Variants in PLAC9 observed in about 807,000 individuals in gnomAD.
PLAC9 encodes the protein placenta associated 9.
Under a neutral mutation model 11.5 loss-of-function variants are expected in PLAC9, and 12 were observed. The ratio of observed to expected loss-of-function variants is 1.05; its 90% CI spans 0.67 to 1.69. The LOEUF is 1.69. PLAC9 is among the 40% of genes most tolerant of loss of function. The pLI, the probability that PLAC9 is intolerant of heterozygous loss-of-function variation, is 0.00. For missense variants in PLAC9, 132 were observed against 130.5 expected (o/e 1.01, Z -0.06); for synonymous variants, 62 against 58.1 (o/e 1.07, Z -0.31).
In PLAC9 at chr10:80,145,329, C is replaced by T. The variant is rs1490437249; in HGVS notation, c.*419C>T. On this transcript the variant is annotated 3_prime_UTR_variant, in exon 4 of 4. Transcript: ENST00000372263. ...GAGACCCCCAGGGATTTTATGTGTC[C>T]ATTAAAGTGGTTTGTTGTTGTTTTT... The T allele has an allele frequency of 3.7e-6, 1 of 273,610 alleles. No homozygotes were observed. 16.9% of individuals were successfully genotyped at this position (273,610 alleles called of 1,614,324 possible).
chr10:80,140,538 C>G (rs1448577538), intron 1 of PLAC9, among the ~76,000 whole-genome samples: 1 of 152,218 alleles, frequency 6.6e-6, no homozygotes, highest in Non-Finnish European at 1.5e-5. Flanking sequence ...TCTGGGGCAG[C>G]ACCCTCCTTC....
intron 1 of PLAC9, 82 bp downstream of exon 1, chr10:80,132,908 G>A (rs1564586973): frequency 9.6e-6 from 12 of 1,250,152 alleles, no homozygotes; most frequent in Middle Eastern, 2.8e-4. Context: ...CGAGAGAGAC[G>A]GAGAGAGAGC....
intron 1 of PLAC9, 133 bp from the exon 2 acceptor site, chr10:80,141,949 C>A: frequency 3.8e-6 from 2 of 521,572 alleles, no homozygotes; most frequent in Non-Finnish European, 6.7e-6. Context: ...ACACTGACCC[C>A]CACCTGGGCC....
intron 1 of PLAC9, among the ~76,000 whole-genome samples, chr10:80,141,554 G>A (rs575254818): frequency 2.0e-5 from 3 of 152,094 alleles, no homozygotes; most frequent in Admixed American, 6.5e-5. Context: ...AGCTGAGATC[G>A]CACCATTGCA....
At chr10:80,138,209 C>T (rs568629515) in intron 1 of PLAC9, among the ~76,000 whole-genome samples, 6 of 152,302 alleles carry the variant, frequency 3.9e-5, no homozygotes. Flanking sequence ...CAATCAGCAA[C>T]TCTCAGCCCA....
intron 2 of PLAC9, 134 bp downstream of exon 2, chr10:80,142,313 C>T: frequency 3.0e-6 from 2 of 665,680 alleles, no homozygotes; most frequent in African/African-American, 1.8e-5. Context: ...CCTCGTCCAA[C>T]ATCACCCTCC....
chr10:80,145,072 C>T lies in PLAC9; in HGVS notation c.*162C>T, dbSNP rs1845087981. On this transcript the variant is annotated 3_prime_UTR_variant, in exon 4 of 4. Coordinates refer to ENST00000372263, the MANE Select transcript of PLAC9 (RefSeq NM_001012973.3). The stretch of plus-strand genomic sequence containing the variant: ...ACAGAGTAACCCGTTTAACTACAGC[C>T]TCCTCTCACTCCACTTCCATGCCTG... 1.8e-5 allele frequency: 16 copies of T among 896,246 alleles called. No homozygotes were observed. Among genetic ancestry groups the T allele is most frequent in the East Asian group, 2.6e-5 (1 of 37,958 alleles). 55.5% of individuals were successfully genotyped at this position (896,246 alleles called of 1,614,324 possible). A position where few individuals can be genotyped will look rare whatever the true frequency, so the allele number is the denominator to read the frequency against.
Position 80,144,947 on chromosome 10 carries a change from A to C in PLAC9, c.*37A>C, listed in dbSNP as rs1482913232. The C allele has an allele frequency of 8.3e-6, 13 of 1,566,264 alleles. No individual in the cohort carries two copies. The highest frequency in any genetic ancestry group is 8.7e-6 in the Non-Finnish European group (10 of 1,154,394). On this transcript the variant is annotated 3_prime_UTR_variant, in exon 4 of 4. Transcript: ENST00000372263. ...GGAGCCCAGCAGTTGGAGGTGGTGCACCTGCCAGGCAGCGCCCACAGAACC... is the reference window on the plus strand; with the variant it reads ...GGAGCCCAGCAGTTGGAGGTGGTGCCCCTGCCAGGCAGCGCCCACAGAACC...
chr10:80,138,482 G>A (rs1184714738), intron 1 of PLAC9, among the ~76,000 whole-genome samples: 1 of 152,106 alleles, frequency 6.6e-6, no homozygotes, highest in Non-Finnish European at 1.5e-5. Flanking sequence ...AGGATAATTT[G>A]GAAAACAGAT....
At chr10:80,143,027 CAT>C (rs1845058763) in intron 2 of PLAC9, among the ~76,000 whole-genome samples, 4 of 148,794 alleles carry the variant, frequency 2.7e-5, no homozygotes, top group Non-Finnish European at 6.0e-5. Flanking sequence ...CCGGCCAATA[CAT>C]ATATTACATC....
chr10:80,141,262 T>C (rs1845037216), intron 1 of PLAC9, among the ~76,000 whole-genome samples: 3 of 152,188 alleles, frequency 2.0e-5, no homozygotes, highest in African/African-American at 7.2e-5. Context: ...CTATTCCCTA[T>C]ATTTAAAAAA....
chr10:80,144,187 C>T (rs1589406208), intron 2 of PLAC9, 36 bp from the exon 3 acceptor site: 1 of 1,614,056 alleles, frequency 6.2e-7, no homozygotes, highest in East Asian at 2.2e-5. Context: ...CGTGGAACCA[C>T]TTCTGTCCTC....
In PLAC9 at chr10:80,144,992, C is replaced by T. The variant is rs1198578158; in HGVS notation, c.*82C>T. The T allele has an allele frequency of 2.0e-6, 3 of 1,488,944 alleles. No homozygotes were observed. Among genetic ancestry groups the T allele is most frequent in the African/African-American group, 2.8e-5 (2 of 71,860 alleles). The allele number at this position is 1,488,944 out of a possible 1,614,324, so 92.2% of individuals were successfully genotyped here. ...AGAACCAGCCCTGTCCTCTCGACTT[C>T]CTTCCTTAGCTTCATGTGAAATAAA... On this transcript the variant is annotated 3_prime_UTR_variant, in exon 4 of 4. Transcript: ENST00000372263.
downstream of PLAC9, chr10:80,145,359 A>AT (rs1589406907): frequency 4.4e-6 from 1 of 227,096 alleles, no homozygotes; most frequent in African/African-American, 2.4e-5. Flanking sequence ...GTTTTTAAAA[A>AT]TTTTTCCTAT....
chr10:80,132,386 C>T (rs1411589673), upstream of PLAC9, among the ~76,000 whole-genome samples: 1 of 152,212 alleles, frequency 6.6e-6, no homozygotes, highest in Admixed American at 6.5e-5. Context: ...TCTTAGTCTG[C>T]CCGCCTGTGA....
chr10:80,135,580 C>T (rs1254356342), intron 1 of PLAC9, among the ~76,000 whole-genome samples: 1 of 148,626 alleles, frequency 6.7e-6, no homozygotes, highest in Non-Finnish European at 1.5e-5. Context: ...ATCAAGTGAT[C>T]AGCCTGCCCC....
At chr10:80,143,923 T>G in intron 2 of PLAC9, 1 of 368,546 alleles carries the variant, frequency 2.7e-6, no homozygotes, top group Non-Finnish European at 5.1e-6. Context: ...ACAAAAGGAA[T>G]GTGAGCTCCA....
At chr10:80,139,443 A>T (rs529633911) in intron 1 of PLAC9, among the ~76,000 whole-genome samples, 12 of 151,754 alleles carry the variant, frequency 7.9e-5, no homozygotes, top group Admixed American at 1.3e-4. Context: ...CCTCCACCAC[A>T]TCCATCCTGC....
At chr10:80,143,239 G>C (rs1035749644) in intron 2 of PLAC9, among the ~76,000 whole-genome samples, 1 of 148,314 alleles carries the variant, frequency 6.7e-6, no homozygotes, top group Non-Finnish European at 1.5e-5. Context: ...CTAATTTTTT[G>C]TACCTCTGGT....
Sources: allele counts gnomAD v4.1 joint callset (sites outside exome capture counted in the v4.1 genomes callset), GRCh38; gene constraint gnomAD v4.1.1; transcripts MANE v1.5; gene names NCBI Gene and HGNC (gene_info 2026-07-23, HGNC 2026-07-21).